Variants in BRWD1 observed in about 807,000 individuals in gnomAD.
The protein encoded by BRWD1 is bromodomain and WD repeat-containing protein 1.
A neutral mutation model predicts 251.2 loss-of-function variants in BRWD1; 82 were observed. The ratio of observed to expected loss-of-function variants is 0.33; its 90% CI spans 0.27 to 0.39. The LOEUF is 0.39. BRWD1 is among the 10% of genes least tolerant of loss of function. The probability of loss-of-function intolerance (pLI) is 1.00; values close to 1 mark genes in which losing one functional copy is unlikely to be tolerated. For synonymous variants in BRWD1, 918 were observed against 902.8 expected, an observed-to-expected ratio of 1.02 and a Z score of -0.30; for missense variants, 2,233 against 2,711.6, an observed-to-expected ratio of 0.82 and a Z score of 3.92.
rs774797254 is a variant in BRWD1 at position 39,187,134 on chromosome 21, T to C, written c.*9125A>G. On this transcript the variant is annotated 3_prime_UTR_variant, in exon 41 of 41. Coordinates refer to ENST00000342449, the MANE Select transcript of BRWD1 (RefSeq NM_033656.4). ...CAGAATTTATGGTTGTATCATCCTC[T>C]TTATAAACATTCAGTAATTTTTTCT... 2 of 1,613,444 alleles carry C rather than the reference T, an allele frequency of 1.2e-6. No individual in the cohort carries two copies. Among genetic ancestry groups the C allele is most frequent in the East Asian group, 2.2e-5 (1 of 44,884 alleles).
In BRWD1 at chr21:39,313,312, A is replaced by C; in HGVS notation, c.50-13T>G. ...AGGAAGTACAGCTCTGCGGGAAGAC[A>C]AGGAGTCAGGTCAAGCCCCGGCGGG... On this transcript the variant is annotated splice_polypyrimidine_tract_variant and intron_variant, in intron 1 of 40. Transcript: ENST00000342449. 1 of 1,518,808 alleles carries C rather than the reference A, an allele frequency of 6.6e-7. No homozygotes were observed. The highest frequency in any genetic ancestry group is 8.9e-7 in the Non-Finnish European group (1 of 1,119,122). 94.1% of individuals were successfully genotyped at this position (1,518,808 alleles called of 1,614,324 possible).
upstream of BRWD1, chr21:39,313,656 G>A (rs2036606261): frequency 4.4e-6 from 2 of 459,228 alleles, no homozygotes; most frequent in Non-Finnish European, 7.1e-6. Flanking sequence ...CGCGGGGGAG[G>A]AAGTAGTTCC....
chr21:39,306,771 C>T (rs887215147), intron 4 of BRWD1, among the ~76,000 whole-genome samples: 1 of 152,160 alleles, frequency 6.6e-6, no homozygotes, highest in African/African-American at 2.4e-5. Flanking sequence ...TTTTCTTAAA[C>T]CTTCAAGTAC....
intron 37 of BRWD1, among the ~76,000 whole-genome samples, chr21:39,203,748 G>C (rs532710847): frequency 1.3e-5 from 2 of 150,296 alleles, no homozygotes; most frequent in Non-Finnish European, 3.0e-5. Flanking sequence ...CCTTTTAAGT[G>C]GTATCTAGAC....
intron 19 of BRWD1, among the ~76,000 whole-genome samples, chr21:39,255,379 T>A (rs1236710582): frequency 6.6e-6 from 1 of 150,834 alleles, no homozygotes; most frequent in South Asian, 2.1e-4. Context: ...GCCACCGCAC[T>A]CCAGCCTGCG....
At chr21:39,313,634 G>A (rs1031490207), upstream of BRWD1, 3 of 542,880 alleles carry the variant, frequency 5.5e-6, no homozygotes, top group South Asian at 5.4e-5. Flanking sequence ...GCGCCGCCTG[G>A]ACCGACGCCT....
downstream of BRWD1, chr21:39,185,243 C>A (rs537575214): frequency 7.3e-6 from 1 of 137,154 alleles, no homozygotes; most frequent in South Asian, 2.3e-4. Flanking sequence ...TTAACCCCAC[C>A]ACAGCAAATT....
chr21:39,307,981 A>T (rs2146797596), intron 4 of BRWD1, among the ~76,000 whole-genome samples: 1 of 152,300 alleles, frequency 6.6e-6, no homozygotes, highest in East Asian at 1.9e-4. Context: ...GCAATATAGC[A>T]GTGCAGGTAG....
Position 39,196,376 on chromosome 21 carries a change from A to C in BRWD1, c.6693T>G (p.Val2231=). Residue 2231 remains valine, a synonymous_variant, in exon 41 of 41, where the codon GTT becomes GTG. Transcript: ENST00000342449. The part of the protein sequence containing the change: ...EDLDYAKSKR[V]LRRSKIKTRN... Reference sequence around the variant, plus strand: ...TCGTTTTTATTTTTGAACGTCGAAGAACTCTTTTAGATTTTGCATAGTCCA... The same window carrying C: ...TCGTTTTTATTTTTGAACGTCGAAGCACTCTTTTAGATTTTGCATAGTCCA... The C allele has an allele frequency of 6.2e-7, 1 of 1,613,694 alleles. No homozygotes were observed. Among genetic ancestry groups the C allele is most frequent in the African/African-American group, 1.3e-5 (1 of 75,012 alleles).
rs774915450 is a variant in BRWD1 at position 39,196,830 on chromosome 21, G to A, written c.6239C>T (p.Thr2080Ile). ...SSESTLAQKA[T>I]AENNFEVELN... The stretch of plus-strand genomic sequence containing the variant: ...TTCCACTTCAAAATTATTCTCTGCA[G>A]TAGCTTTTTGTGCCAAGGTTGACTC... The change falls in exon 41 of 41, where the codon ACT (threonine) becomes ATT (isoleucine). Residue 2080 changes from threonine to isoleucine, a missense_variant. Physicochemically the swap from Thr to Ile is moderately conservative, Grantham distance 89. This residue lies in a region of BRWD1 where 928 missense variants were observed against 970.0 expected (regional missense o/e 0.96). Transcript: ENST00000342449. The A allele has an allele frequency of 2.5e-6, 4 of 1,613,510 alleles. No homozygotes were observed. The highest frequency in any genetic ancestry group is 1.7e-5 in the Admixed American group (1 of 60,018).
rs1156871056 is a variant in BRWD1 at position 39,186,864 on chromosome 21, G to A, written c.*9395C>T. The A allele has an allele frequency of 1.6e-6, 2 of 1,233,538 alleles. No homozygotes were observed. The highest frequency in any genetic ancestry group is 5.4e-5 in the East Asian group (2 of 37,232). 76.4% of individuals were successfully genotyped at this position (1,233,538 alleles called of 1,614,324 possible). A position where few individuals can be genotyped will look rare whatever the true frequency, so the allele number is the denominator to read the frequency against. ...TCAGAATTCCCCAGAGCACATGTCT[G>A]TACAAGAGCTGACTGGGAGGAACCC... On this transcript the variant is annotated 3_prime_UTR_variant, in exon 41 of 41. Transcript: ENST00000342449.
chr21:39,312,434 G>T (rs1264766399), intron 4 of BRWD1: 1 of 166,722 alleles, frequency 6.0e-6, no homozygotes, highest in Non-Finnish European at 1.3e-5. Flanking sequence ...GAACAAGTGG[G>T]GGGACAGACC....
chr21:39,209,712 A>G (rs1235852166), intron 36 of BRWD1: 5 of 233,288 alleles, frequency 2.1e-5, no homozygotes, highest in African/African-American at 9.0e-5. Context: ...CTGTGTATCA[A>G]ATTTGTTCAC....
Position 39,218,485 on chromosome 21 carries a change from C to T in BRWD1, c.3538+20G>A, listed in dbSNP as rs527570633. ...AAAATTGAAAAAAAAACTTTTCATCCTAAAAAATAAAAAACTTACCAAGAT... is the reference window on the plus strand; with the variant it reads ...AAAATTGAAAAAAAAACTTTTCATCTTAAAAAATAAAAAACTTACCAAGAT... On this transcript the variant is annotated intron_variant, in intron 30 of 40. Transcript: ENST00000342449. The T allele has an allele frequency of 4.5e-6, 7 of 1,553,354 alleles. No individual in the cohort carries two copies. The highest frequency in any genetic ancestry group is 4.4e-5 in the Admixed American group (2 of 45,122).
At chr21:39,229,239 G>T in intron 26 of BRWD1, 73 bp downstream of exon 26, 2 of 1,282,060 alleles carry the variant, frequency 1.6e-6, no homozygotes, top group Non-Finnish European at 2.2e-6. Context: ...AATGGGAAGG[G>T]CATGCTAATC....
At chr21:39,229,587 C>T in intron 25 of BRWD1, 151 bp from the exon 26 acceptor site, 1 of 715,278 alleles carries the variant, frequency 1.4e-6, no homozygotes, top group South Asian at 1.8e-5. Flanking sequence ...TTCAATTTTG[C>T]TAAAGTTAAT....
intron 38 of BRWD1, among the ~76,000 whole-genome samples, chr21:39,201,946 TAC>T (rs549885039): frequency 1.2e-4 from 19 of 152,206 alleles, no homozygotes; most frequent in Non-Finnish European, 1.9e-4. Context: ...TAGCATCAGC[TAC>T]AGTTATGCTA....
chr21:39,295,175 GTTTTTTTTTTTTTTT>G (rs869129436), intron 7 of BRWD1, among the ~76,000 whole-genome samples: 1 of 64,670 alleles, frequency 1.5e-5, no homozygotes, highest in Non-Finnish European at 2.8e-5. Flanking sequence ...GTATGTCTAT[GTTTTTTTTTTTTTTT>G]TTTTTTTTTT....
At position 39,277,259 on chromosome 21, in the gene BRWD1, T is replaced by C; in HGVS notation, c.1096A>G (p.Ser366Gly). 6.2e-7 allele frequency: 1 copy of C among 1,607,434 alleles called. No individual in the cohort carries two copies. The highest frequency in any genetic ancestry group is 1.3e-5 in the African/African-American group (1 of 74,886). ...AAAACGTGGATGCTTACAGTGTGGC[T>C]TTCAAGTTCTGCGATTTTTTCGGGT... is the stretch of plus-strand genomic sequence containing the variant. ...EAPEKIAELE[S>G]HTDKVDSIQF... Residue 366 changes from serine (S) to glycine (G), a missense_variant, in exon 11 of 41, where the codon AGC becomes GGC. By Grantham distance (56) the Ser-to-Gly change is moderately conservative. This residue lies in a region of BRWD1 where 315 missense variants were observed against 421.8 expected (regional missense o/e 0.75). Transcript: ENST00000342449.
Sources: allele counts gnomAD v4.1 joint callset (sites outside exome capture counted in the v4.1 genomes callset), GRCh38; gene constraint gnomAD v4.1.1; regional missense constraint gnomAD v4.1.1; transcripts MANE v1.5; gene names NCBI Gene and HGNC (gene_info 2026-07-23, HGNC 2026-07-21).